RBFOX1: variants seen among roughly 807,000 people sequenced by gnomAD.
The protein encoded by RBFOX1 is RNA binding protein fox-1 homolog 1.
Under a neutral mutation model 57.7 loss-of-function variants are expected in RBFOX1, and 8 were observed. The ratio of observed to expected loss-of-function variants is 0.14; its 90% CI spans 0.08 to 0.25. The LOEUF (loss-of-function observed/expected upper bound fraction) is 0.25, where lower values mean the gene tolerates loss of function less well. RBFOX1 is among the 10% of genes least tolerant of loss of function. The probability of loss-of-function intolerance (pLI) is 1.00; values close to 1 mark genes in which losing one functional copy is unlikely to be tolerated. For synonymous variants in RBFOX1, 326 were observed against 222.4 expected (o/e 1.47, Z -4.15); for missense variants, 611 against 548.5 (o/e 1.11, Z -1.14).
intron 2 of RBFOX1, among the ~76,000 whole-genome samples, chr16:6,598,424 C>G (rs1471063652): frequency 6.6e-6 from 1 of 152,124 alleles, no homozygotes; most frequent in Non-Finnish European, 1.5e-5. Context: ...AAAAGTGTAA[C>G]CAGTGTTATA....
At chr16:7,126,369 G>T (rs1250159464) in intron 4 of RBFOX1, 3 of 247,464 alleles carry the variant, frequency 1.2e-5, no homozygotes, top group Admixed American at 4.1e-5. Flanking sequence ...GTCCCTGTGG[G>T]GTTCACAAGA....
At position 6,328,104 on chromosome 16, in the gene RBFOX1, C is replaced by A. The variant is rs146107422; in HGVS notation, c.-64+11047C>A. On this transcript the variant is annotated intron_variant, in intron 2 of 15. Transcript: ENST00000550418. The stretch of plus-strand genomic sequence containing the variant: ...CACAAACACACATAATGGAATACTA[C>A]TCAGCCATAAAAAGAAATGAATTAG... Among the ~76,000 whole-genome samples the A allele has an allele frequency of 2.6e-5, 4 of 152,312 alleles. No homozygotes were observed. In the East Asian group the frequency reaches 5.8e-4, roughly 22 times the overall value.
intron 3 of RBFOX1, among the ~76,000 whole-genome samples, chr16:5,755,193 C>G (rs952542572): frequency 7.6e-5 from 10 of 131,644 alleles, no homozygotes; most frequent in Non-Finnish European, 1.6e-4. Context: ...TGAGTTGACA[C>G]AGCACACGTT....
intron 3 of RBFOX1, among the ~76,000 whole-genome samples, chr16:5,813,192 G>A (rs949614180): frequency 1.3e-5 from 2 of 152,086 alleles, no homozygotes; most frequent in African/African-American, 4.8e-5. Flanking sequence ...ATTTTTAGTA[G>A]AGACGGGGTT....
chr16:7,000,645 C>T (rs1332010394), intron 3 of RBFOX1, among the ~76,000 whole-genome samples: 1 of 122,740 alleles, frequency 8.1e-6, no homozygotes, highest in Non-Finnish European at 1.6e-5. Context: ...TCCTCTGTCG[C>T]CCAGGCTGGA....
intron 3 of RBFOX1, among the ~76,000 whole-genome samples, chr16:6,784,112 G>T (rs2081503090): frequency 6.6e-6 from 1 of 151,868 alleles, no homozygotes; most frequent in South Asian, 2.1e-4. Flanking sequence ...GTATACCTCT[G>T]GGTTTCATCT....
At chr16:6,304,237 G>C (rs944817588) in intron 1 of RBFOX1, among the ~76,000 whole-genome samples, 3 of 151,876 alleles carry the variant, frequency 2.0e-5, no homozygotes, top group Admixed American at 6.5e-5. Context: ...GCAGTGAGCC[G>C]AGATCATGCC....
chr16:6,791,721 A>G (rs187466469), intron 3 of RBFOX1, among the ~76,000 whole-genome samples: 1 of 152,284 alleles, frequency 6.6e-6, no homozygotes, highest in Non-Finnish European at 1.5e-5. Flanking sequence ...ATCGTGCCAC[A>G]CTGCACTGCA....
In RBFOX1 at chr16:6,853,693, A is replaced by T. The variant is rs565794696; in HGVS notation, c.-15-198364A>T. ...CTAATTTGTGAACCTGTAGCAATTT[A>T]TCACCCTGGTTGGATTCGTTTACCA... On this transcript the variant is annotated intron_variant, in intron 3 of 15. Transcript: ENST00000550418. 3.9e-5 allele frequency among the ~76,000 whole-genome samples: 6 copies of T among 152,280 alleles called. No individual in the cohort carries two copies. The South Asian group carries it at 1.2e-3, about 32-fold the overall frequency.
chr16:5,374,520 T>A (rs936487758), intron 1 of RBFOX1, among the ~76,000 whole-genome samples: 39 of 152,220 alleles, frequency 2.6e-4, no homozygotes, highest in African/African-American at 8.2e-4. Context: ...CAGTTTTATC[T>A]GGAAGAATCA....
chr16:5,837,633 C>G (rs1399564878), intron 3 of RBFOX1, among the ~76,000 whole-genome samples: 1 of 150,044 alleles, frequency 6.7e-6, no homozygotes, highest in Non-Finnish European at 1.5e-5. Context: ...CTGAGAGGTT[C>G]CTGGTCCTCT....
At chr16:5,983,254 A>G (rs1358392188) in intron 4 of RBFOX1, among the ~76,000 whole-genome samples, 1 of 152,234 alleles carries the variant, frequency 6.6e-6, no homozygotes, top group African/African-American at 2.4e-5. Flanking sequence ...TGTGTGCGCC[A>G]CTGAATTGGG....
At chr16:6,278,361 A>AAAT (rs1395750626) in intron 1 of RBFOX1, among the ~76,000 whole-genome samples, 1 of 111,794 alleles carries the variant, frequency 8.9e-6, no homozygotes, top group Non-Finnish European at 1.8e-5. Context: ...CAACTGGGGG[A>AAAT]AATTGTAGGA....
At chr16:6,333,948 C>T (rs938765767) in intron 2 of RBFOX1, among the ~76,000 whole-genome samples, 10 of 152,106 alleles carry the variant, frequency 6.6e-5, no homozygotes, top group Admixed American at 5.2e-4. Flanking sequence ...ACCCCGAGGG[C>T]CAAAGAACAA....
chr16:5,869,444 C>T lies in RBFOX1; in HGVS notation c.351+2109C>T, dbSNP rs958541975. Among the ~76,000 whole-genome samples, 4 of 152,298 alleles carry T rather than the reference C, an allele frequency of 2.6e-5. No homozygotes were observed. In the East Asian group the frequency reaches 7.7e-4, roughly 29 times the overall value. On this transcript the variant is annotated intron_variant, in intron 4 of 19. Coordinates refer to the RBFOX1 transcript ENST00000641259. ...TTTAGATGGGGACTCTCCCAGTCAC[C>T]AGGCTGGAGTACAGTGGCACAATCT...
chr16:5,344,655 C>T (rs2065102370), intron 1 of RBFOX1, among the ~76,000 whole-genome samples: 1 of 152,186 alleles, frequency 6.6e-6, no homozygotes, highest in Admixed American at 6.5e-5. Flanking sequence ...CAGGGGAAAC[C>T]TGGCTGGAAT....
chr16:5,313,258 T>C (rs11076908), intron 1 of RBFOX1, among the ~76,000 whole-genome samples: 151,957 of 152,236 alleles, frequency 1, 75,841 homozygotes, highest in Middle Eastern at 1. Flanking sequence ...ATTCCCCCTC[T>C]CCAAAGTCCT....
At chr16:5,891,546 G>A (rs1054723172) in intron 4 of RBFOX1, among the ~76,000 whole-genome samples, 8 of 152,190 alleles carry the variant, frequency 5.3e-5, no homozygotes, top group Non-Finnish European at 8.8e-5. Context: ...CCTCATCCCC[G>A]AGAGCCCGCT....
In RBFOX1 at chr16:7,230,325, T is replaced by C. The variant is rs146586863; in HGVS notation, c.27+178227T>C. Among the ~76,000 whole-genome samples the C allele has an allele frequency of 1.3e-3, 191 of 152,244 alleles. 1 individual carries two copies. Among genetic ancestry groups the C allele is most frequent in the African/African-American group, 4.4e-3 (184 of 41,536 alleles). ...ACAAGGCAAAACATCAATAATTCAA[T>C]AATTACTCCGTGTGTTGGGGCAGGG... On this transcript the variant is annotated intron_variant, in intron 4 of 15. Transcript: ENST00000550418.
Sources: gnomAD v4.1 joint callset for allele counts (sites outside exome capture counted in the v4.1 genomes callset) on GRCh38, gnomAD v4.1.1 for gene constraint, MANE v1.5 for transcripts, NCBI Gene and HGNC (gene_info 2026-07-23, HGNC 2026-07-21) for gene names.